ARRB1: variants seen among roughly 807,000 people sequenced by gnomAD.
The protein encoded by ARRB1 is beta-arrestin-1.
A neutral mutation model predicts 56.8 loss-of-function variants in ARRB1; 21 were observed. The ratio of observed to expected loss-of-function variants is 0.37; its 90% CI spans 0.26 to 0.53. ARRB1 has a LOEUF of 0.53. Among genes scored for constraint, ARRB1 ranks in the 20% least tolerant of loss-of-function variants. The pLI, the probability that ARRB1 is intolerant of heterozygous loss-of-function variation, is 0.88. For missense variants in ARRB1, 424 were observed against 553.7 expected (o/e 0.77, Z 2.35); for synonymous variants, 210 against 218.6 (o/e 0.96, Z 0.35).
intron 14 of ARRB1, 134 bp downstream of exon 14, chr11:75,268,754 TG>T: frequency 2.2e-6 from 2 of 901,906 alleles, no homozygotes; most frequent in Non-Finnish European, 3.4e-6. Flanking sequence ...AATCGAGTTC[TG>T]GACCCCACAA....
At chr11:75,269,096 C>T in intron 13 of ARRB1, 137 bp from the exon 14 acceptor site, 2 of 891,486 alleles carry the variant, frequency 2.2e-6, no homozygotes, top group Non-Finnish European at 3.7e-6. Flanking sequence ...GCCCTCCAGC[C>T]CCAGTTCTGC....
At chr11:75,284,650 T>C (rs1946430938) in intron 3 of ARRB1, among the ~76,000 whole-genome samples, 1 of 152,150 alleles carries the variant, frequency 6.6e-6, no homozygotes, top group African/African-American at 2.4e-5. Context: ...ATGCACATAA[T>C]CCCAACACTT....
In ARRB1 at chr11:75,265,999, A is replaced by G. The variant is rs1591881346; in HGVS notation, c.*164T>C. 4.8e-6 allele frequency: 3 copies of G among 627,296 alleles called. No individual in the cohort carries two copies. Among genetic ancestry groups the G allele is most frequent in the Non-Finnish European group, 8.6e-6 (3 of 350,704 alleles). The allele number at this position is 627,296 out of a possible 1,614,324, so 38.9% of individuals were successfully genotyped here. On this transcript the variant is annotated 3_prime_UTR_variant, in exon 16 of 16. Coordinates refer to ENST00000420843, the MANE Select transcript of ARRB1 (RefSeq NM_004041.5). ...CTGTTGGCGTGGTGATGTGGGGCCA[A>G]TCCTGAGGCCAGAGGTTCATCACCG...
In ARRB1 at chr11:75,260,536, C is replaced by T. The variant is rs934981555; in HGVS notation, c.*5627G>A. 1.3e-5 allele frequency: 2 copies of T among 152,304 alleles called. No homozygotes were observed. The highest frequency in any genetic ancestry group is 4.8e-5 in the African/African-American group (2 of 41,460). The allele number at this position is 152,304 out of a possible 1,614,324, so 9.4% of individuals were successfully genotyped here. On this transcript the variant is annotated 3_prime_UTR_variant, in exon 16 of 16. Coordinates refer to ENST00000420843, the MANE Select transcript of ARRB1 (RefSeq NM_004041.5). ...TTGTGAGGCACCCACCTCTCATACT[C>T]ACCACCTCATATGACCACCTATCAT...
At chr11:75,349,704 T>C (rs1023541748) in intron 1 of ARRB1, among the ~76,000 whole-genome samples, 12 of 152,372 alleles carry the variant, frequency 7.9e-5, no homozygotes, top group African/African-American at 2.9e-4. Flanking sequence ...TCAGGGCAGA[T>C]GGATGTGGCT....
rs1945859358 is a variant in ARRB1 at position 75,264,189 on chromosome 11, G to A, written c.*1974C>T. 1 of 152,222 alleles carries A rather than the reference G, an allele frequency of 6.6e-6. No individual in the cohort carries two copies. The highest frequency in any genetic ancestry group is 2.1e-4 in the South Asian group (1 of 4,832). The allele number at this position is 152,222 out of a possible 1,614,324, so 9.4% of individuals were successfully genotyped here. A position where few individuals can be genotyped will look rare whatever the true frequency, so the allele number is the denominator to read the frequency against. On this transcript the variant is annotated 3_prime_UTR_variant, in exon 16 of 16. Coordinates refer to ENST00000420843, the MANE Select transcript of ARRB1 (RefSeq NM_004041.5). Reference sequence around the variant, plus strand: ...GGTCCCTTGGGTTGAGTGGTCATGAGACTCAGAAGTCGCGCTGCCAGGCTT... The same window carrying A: ...GGTCCCTTGGGTTGAGTGGTCATGAAACTCAGAAGTCGCGCTGCCAGGCTT...
intron 1 of ARRB1, among the ~76,000 whole-genome samples, chr11:75,339,005 G>A (rs886335281): frequency 1.3e-5 from 2 of 152,136 alleles, no homozygotes; most frequent in East Asian, 3.9e-4. Context: ...GCAATTACTG[G>A]TAAAGGGGAG....
intron 6 of ARRB1, chr11:75,281,681 C>A: frequency 2.2e-6 from 1 of 448,452 alleles, no homozygotes; most frequent in Non-Finnish European, 4.0e-6. Flanking sequence ...TACATGAGGC[C>A]AGGTGTAGGT....
At chr11:75,334,385 C>A (rs188639632) in intron 1 of ARRB1, among the ~76,000 whole-genome samples, 6 of 151,166 alleles carry the variant, frequency 4.0e-5, no homozygotes, top group Non-Finnish European at 8.8e-5. Flanking sequence ...CAGTTTATAA[C>A]CACTTTCACC....
chr11:75,271,804 C>T, intron 12 of ARRB1, 80 bp from the exon 13 acceptor site: 1 of 1,454,668 alleles, frequency 6.9e-7, no homozygotes, highest in Non-Finnish European at 9.3e-7. Context: ...ATTCATTCAC[C>T]ACTTCTGCTG....
At chr11:75,310,882 C>G (rs964635892) in intron 1 of ARRB1, among the ~76,000 whole-genome samples, 30 of 152,228 alleles carry the variant, frequency 2.0e-4, no homozygotes, top group African/African-American at 7.2e-4. Flanking sequence ...AGGAGGCCGG[C>G]TCCCCAATTG....
intron 12 of ARRB1, among the ~76,000 whole-genome samples, chr11:75,272,146 A>G (rs1335747706): frequency 2.0e-5 from 3 of 152,240 alleles, no homozygotes; most frequent in Non-Finnish European, 4.4e-5. Context: ...GTCCTATTAT[A>G]TAAGGTCAGG....
rs1393456801 is a variant in ARRB1 at position 75,265,547 on chromosome 11, A to G, written c.*616T>C. 1 of 153,360 alleles carries G rather than the reference A, an allele frequency of 6.5e-6. No individual in the cohort carries two copies. The highest frequency in any genetic ancestry group is 1.5e-5 in the Non-Finnish European group (1 of 68,902). 9.5% of individuals were successfully genotyped at this position (153,360 alleles called of 1,614,324 possible). A position where few individuals can be genotyped will look rare whatever the true frequency, so the allele number is the denominator to read the frequency against. On this transcript the variant is annotated 3_prime_UTR_variant, in exon 16 of 16. Coordinates refer to ENST00000420843, the MANE Select transcript of ARRB1 (RefSeq NM_004041.5). ...AAAGTCAGTCCAGTTGCTTTTCTCT[A>G]CTCCTGGGGTCTACGAACTTTCACC...
intron 1 of ARRB1, among the ~76,000 whole-genome samples, chr11:75,292,590 G>A (rs1243306178): frequency 6.6e-6 from 1 of 152,202 alleles, no homozygotes; most frequent in East Asian, 1.9e-4. Context: ...GAAGACCAGA[G>A]AAGTGGCACC....
rs746949661 is a variant in ARRB1 at position 75,314,681 on chromosome 11, G to A, written c.21-24642C>T. Among the ~76,000 whole-genome samples, 169 of 152,124 alleles carry A rather than the reference G, an allele frequency of 1.1e-3. 1 individual carries two copies. The highest frequency in any genetic ancestry group is 3.2e-3 in the Admixed American group (49 of 15,284). Reference sequence around the variant, plus strand: ...AGTGGCACCATCACAGCTCACTGCAGCCTTGACCTCCCCAGGCTCAGGTGA... The same window carrying A: ...AGTGGCACCATCACAGCTCACTGCAACCTTGACCTCCCCAGGCTCAGGTGA... On this transcript the variant is annotated intron_variant, in intron 1 of 15. Transcript: ENST00000420843.
intron 1 of ARRB1, among the ~76,000 whole-genome samples, chr11:75,351,126 G>C (rs1185489487): frequency 1.3e-5 from 2 of 152,222 alleles, no homozygotes; most frequent in African/African-American, 4.8e-5. Context: ...GAATTGGTGT[G>C]TGTTGGATTG....
chr11:75,308,278 G>GGA (rs1298452842), intron 1 of ARRB1, among the ~76,000 whole-genome samples: 2 of 152,214 alleles, frequency 1.3e-5, no homozygotes, highest in Non-Finnish European at 2.9e-5. Context: ...CCAAGGCCCA[G>GGA]GAGCTCAGGC....
intron 1 of ARRB1, among the ~76,000 whole-genome samples, chr11:75,341,286 T>C (rs1947689067): frequency 6.6e-6 from 1 of 151,890 alleles, no homozygotes; most frequent in African/African-American, 2.4e-5. Context: ...TACAGGTGTG[T>C]GCCACCACAC....
At position 75,263,291 on chromosome 11, in the gene ARRB1, C is replaced by T. The variant is rs143088683; in HGVS notation, c.*2872G>A. ...CTGGGAGGTGGTGCCTGGAGTTGAC[C>T]AGAAGCTTGGAAACATGACCTGCGG... On this transcript the variant is annotated 3_prime_UTR_variant, in exon 16 of 16. Transcript: ENST00000420843. Among the ~76,000 whole-genome samples the T allele has an allele frequency of 1.1e-4, 17 of 152,324 alleles. No individual in the cohort carries two copies. The highest frequency in any genetic ancestry group is 4.4e-5 in the Non-Finnish European group (3 of 68,024).
Sources: allele counts gnomAD v4.1 joint callset (sites outside exome capture counted in the v4.1 genomes callset), GRCh38; gene constraint gnomAD v4.1.1; transcripts MANE v1.5; gene names NCBI Gene and HGNC (gene_info 2026-07-23, HGNC 2026-07-21).